R3HDM4: variants seen among roughly 807,000 people sequenced by gnomAD.
R3HDM4 encodes the protein R3H domain containing 4.
In R3HDM4, 30 loss-of-function variants were observed where a neutral mutation model predicts 31.3. The ratio of observed to expected loss-of-function variants is 0.96; its 90% CI spans 0.72 to 1.30. The LOEUF (loss-of-function observed/expected upper bound fraction) is 1.30, where lower values mean the gene tolerates loss of function less well. Ranked by LOEUF, R3HDM4 falls within the 50% of genes most tolerant of loss-of-function variation. R3HDM4 has a pLI of 0.00. For synonymous variants in R3HDM4, 196 were observed against 156.6 expected (o/e 1.25, Z -1.88); for missense variants, 444 against 366.1 (o/e 1.21, Z -1.74).
intron 1 of R3HDM4, among the ~76,000 whole-genome samples, chr19:909,732 G>C (rs1230569747): frequency 6.6e-6 from 1 of 151,840 alleles, no homozygotes; most frequent in Non-Finnish European, 1.5e-5. Flanking sequence ...GGAGGCAAAG[G>C]TTACCATGAG....
rs370051275 is a variant in R3HDM4 at position 897,404 on chromosome 19, C to A, written c.*33G>T. On this transcript the variant is annotated 3_prime_UTR_variant, in exon 8 of 8. Transcript: ENST00000361574. Reference sequence around the variant, plus strand: ...GGTATCGGAGGGCTTGATGGCTGGGCGAGGTGGCAGCGGGGTCTCCGCGGG... The same window carrying A: ...GGTATCGGAGGGCTTGATGGCTGGGAGAGGTGGCAGCGGGGTCTCCGCGGG... 5.4e-6 allele frequency: 8 copies of A among 1,478,552 alleles called. No homozygotes were observed. The African/African-American group carries it at 9.8e-5, about 18-fold the overall frequency. The allele number at this position is 1,478,552 out of a possible 1,614,324, so 91.6% of individuals were successfully genotyped here.
rs906079184 is a variant in R3HDM4, at chr19:907,815, T to G, written c.71+5272A>C. The stretch of plus-strand genomic sequence containing the variant: ...CCTGTTTTGTTTGGTATCTGAGGGC[T>G]CGCCACCCTCCCCTGGGTCTCTAGT... On this transcript the variant is annotated intron_variant, in intron 1 of 7. Coordinates refer to ENST00000361574, the MANE Select transcript of R3HDM4 (RefSeq NM_138774.4). The surrounding 1 kb of genome is among the most constrained non-coding windows in gnomAD (Gnocchi z 4.1). 1.3e-5 allele frequency among the ~76,000 whole-genome samples: 2 copies of G among 152,158 alleles called. No individual in the cohort carries two copies. The highest frequency in any genetic ancestry group is 4.8e-5 in the African/African-American group (2 of 41,430).
chr19:909,013 TTC>T (rs2036939966), intron 1 of R3HDM4, among the ~76,000 whole-genome samples: 1 of 152,166 alleles, frequency 6.6e-6, no homozygotes, highest in Non-Finnish European at 1.5e-5. Flanking sequence ...GTTCATCTGT[TTC>T]CCACGCCACT....
chr19:910,323 CAAA>C (rs34077492), intron 1 of R3HDM4, among the ~76,000 whole-genome samples: 2 of 142,190 alleles, frequency 1.4e-5, no homozygotes, highest in South Asian at 4.4e-4. Flanking sequence ...GAAACCATCT[CAAA>C]AAAAAAAAAA....
chr19:904,912 A>G (rs2036883417), intron 1 of R3HDM4, among the ~76,000 whole-genome samples: 1 of 152,130 alleles, frequency 6.6e-6, no homozygotes. Flanking sequence ...AATCAAAAGT[A>G]AACAAGCTGA....
Position 907,787 on chromosome 19 carries a change from T to C in R3HDM4, c.71+5300A>G, listed in dbSNP as rs1451865608. ...GCCTAGCACTGCAACACGAGGGCTT[T>C]CGCCTGTTTTGTTTGGTATCTGAGG... is the stretch of plus-strand genomic sequence containing the variant. On this transcript the variant is annotated intron_variant, in intron 1 of 7. Coordinates refer to ENST00000361574, the MANE Select transcript of R3HDM4 (RefSeq NM_138774.4). This position sits in a 1 kb window ranked among gnomAD's most constrained non-coding sequence, Gnocchi z 4.1. Among the ~76,000 whole-genome samples the C allele has an allele frequency of 6.6e-6, 1 of 152,186 alleles. No homozygotes were observed. The highest frequency in any genetic ancestry group is 1.5e-5 in the Non-Finnish European group (1 of 68,026).
intron 1 of R3HDM4, among the ~76,000 whole-genome samples, chr19:905,235 G>A (rs2036887873): frequency 6.6e-6 from 1 of 151,384 alleles, no homozygotes; most frequent in African/African-American, 2.4e-5. Context: ...TGGGCGCAGT[G>A]GCTTATGCCT....
At chr19:909,887 C>T (rs2036950535) in intron 1 of R3HDM4, among the ~76,000 whole-genome samples, 9 of 151,812 alleles carry the variant, frequency 5.9e-5, no homozygotes, top group Admixed American at 5.9e-4. Flanking sequence ...TTCAAGGCCC[C>T]CTTAGAGGAG....
rs2036801113 is a variant in R3HDM4 at position 899,766 on chromosome 19, C to T, written c.562-80G>A. 1 of 1,192,170 alleles carries T rather than the reference C, an allele frequency of 8.4e-7. No homozygotes were observed. Among genetic ancestry groups the T allele is most frequent in the Non-Finnish European group, 1.2e-6 (1 of 863,642 alleles). The allele number at this position is 1,192,170 out of a possible 1,614,324, so 73.8% of individuals were successfully genotyped here. A position where few individuals can be genotyped will look rare whatever the true frequency, so the allele number is the denominator to read the frequency against. On this transcript the variant is annotated intron_variant, in intron 5 of 7. Transcript: ENST00000361574. The surrounding 1 kb of genome is among the most constrained non-coding windows in gnomAD (Gnocchi z 6.8). ...AGGGAGGTCCAGGGCCCCCAGGAGC[C>T]CACAGCGCTGGGCTCAAACATGACC...
intron 3 of R3HDM4, 117 bp from the exon 4 acceptor site, chr19:901,069 C>A (rs897724242): frequency 4.6e-5 from 60 of 1,310,070 alleles, no homozygotes; most frequent in Non-Finnish European, 5.5e-5. Context: ...GCGGTCACCT[C>A]TGTCCACTGA....
intron 7 of R3HDM4, 151 bp from the exon 8 acceptor site, chr19:897,691 C>T: frequency 1.6e-6 from 1 of 630,528 alleles, no homozygotes. Context: ...GGCCCTAAGC[C>T]CGCAGGTCCG....
intron 3 of R3HDM4, 120 bp from the exon 4 acceptor site, chr19:901,072 TCCACTGAGGGG>T: frequency 7.9e-7 from 1 of 1,273,782 alleles, no homozygotes; most frequent in Non-Finnish European, 1.1e-6. Context: ...GTCACCTCTG[TCCACTGAGGGG>T]CCGCTGCTTG....
At chr19:905,762 A>C (rs1387044276) in intron 1 of R3HDM4, among the ~76,000 whole-genome samples, 1 of 152,070 alleles carries the variant, frequency 6.6e-6, no homozygotes. Context: ...GCAGATAAAC[A>C]GCACAGTCTC....
chr19:900,246 G>T, intron 4 of R3HDM4, 100 bp from the exon 5 acceptor site: 1 of 905,472 alleles, frequency 1.1e-6, no homozygotes, highest in Non-Finnish European at 1.6e-6. Flanking sequence ...GCCCATCTGT[G>T]CCTTGGCCTC....
intron 1 of R3HDM4, among the ~76,000 whole-genome samples, chr19:910,377 G>A (rs1051980432): frequency 9.9e-5 from 15 of 151,816 alleles, no homozygotes; most frequent in African/African-American, 2.7e-4. Flanking sequence ...CTAGCTACTC[G>A]GGAGGCTGGG....
intron 7 of R3HDM4, 83 bp from the exon 8 acceptor site, chr19:897,623 C>A: frequency 9.1e-7 from 1 of 1,095,390 alleles, no homozygotes; most frequent in Non-Finnish European, 1.3e-6. Context: ...GCACCACCCT[C>A]GCTTCTTCCC....
At chr19:898,712 C>T (rs2036778798) in intron 7 of R3HDM4, among the ~76,000 whole-genome samples, 1 of 152,172 alleles carries the variant, frequency 6.6e-6, no homozygotes, top group Non-Finnish European at 1.5e-5. Context: ...CCCCATCTTG[C>T]TGGGACCCCT....
At position 900,155 on chromosome 19, in the gene R3HDM4, G is replaced by C. The variant is rs751648618; in HGVS notation, c.476-9C>G. ...TGTATAGGCGGGGTCCTCTGCAGGA[G>C]TGGGGGAACAAGGGGCAGTCTTGGG... On this transcript the variant is annotated splice_polypyrimidine_tract_variant and intron_variant, in intron 4 of 7. Coordinates refer to ENST00000361574, the MANE Select transcript of R3HDM4 (RefSeq NM_138774.4). The C allele has an allele frequency of 6.4e-7, 1 of 1,555,252 alleles. No homozygotes were observed. Among genetic ancestry groups the C allele is most frequent in the Non-Finnish European group, 8.7e-7 (1 of 1,151,588 alleles).
At chr19:901,723 G>C in intron 2 of R3HDM4, 177 bp from the exon 3 acceptor site, 1 of 931,218 alleles carries the variant, frequency 1.1e-6, no homozygotes, top group Non-Finnish European at 1.6e-6. Flanking sequence ...CTGGATTGTC[G>C]AACTCCTATA....
Sources: allele counts gnomAD v4.1 joint callset (sites outside exome capture counted in the v4.1 genomes callset), GRCh38; gene constraint gnomAD v4.1.1; non-coding constraint Gnocchi (gnomAD v3.1); transcripts MANE v1.5; gene names NCBI Gene and HGNC (gene_info 2026-07-23, HGNC 2026-07-21).